The following ARAP2 variants were observed in gnomAD, a reference collection of about 807,000 sequenced individuals.
ARAP2 encodes the protein arf-GAP with Rho-GAP domain, ANK repeat and PH domain-containing protein 2.
In ARAP2, 148 loss-of-function variants were observed where a neutral mutation model predicts 194.5. That is an observed-to-expected ratio of 0.76 (90% CI 0.67 to 0.87). The LOEUF (loss-of-function observed/expected upper bound fraction) is 0.87, where lower values mean the gene tolerates loss of function less well. ARAP2 is among the 40% of genes least tolerant of loss of function. ARAP2 has a pLI of 0.00. For synonymous variants in ARAP2, 695 were observed against 683.5 expected (o/e 1.02, Z -0.26); for missense variants, 2,128 against 1,989.7 (o/e 1.07, Z -1.32).
At chr4:36,204,773 G>T (rs1035538336) in intron 6 of ARAP2, among the ~76,000 whole-genome samples, 1 of 151,940 alleles carries the variant, frequency 6.6e-6, no homozygotes, top group African/African-American at 2.4e-5. Flanking sequence ...GGTAGATCAC[G>T]AGGTCAGGAG....
chr4:36,192,168 G>GTTTT (rs569144058), intron 7 of ARAP2, among the ~76,000 whole-genome samples: 3 of 100,684 alleles, frequency 3.0e-5, no homozygotes, highest in East Asian at 3.2e-4. Context: ...CAGTGTTTCT[G>GTTTT]TTTTTTTTTT....
intron 5 of ARAP2, among the ~76,000 whole-genome samples, chr4:36,042,210 T>C (rs962105602): frequency 3.3e-5 from 5 of 152,160 alleles, no homozygotes; most frequent in African/African-American, 7.2e-5. Flanking sequence ...AATAGGTGGC[T>C]TATATTTTTT....
intron 28 of ARAP2, among the ~76,000 whole-genome samples, chr4:36,090,111 A>T (rs913576669): frequency 5.3e-5 from 8 of 152,134 alleles, no homozygotes; most frequent in Non-Finnish European, 1.2e-4. Context: ...AACAAGTATC[A>T]AAGAATATTA....
rs1454636334 is a variant in ARAP2, at chr4:36,228,505, C to A, written c.905+77G>T. ...ATACAGTCAAATTTAGATAGGAACA[C>A]TGAAAATATAACTGTTAAAAAAAAT... On this transcript the variant is annotated intron_variant, in intron 2 of 32. Coordinates refer to ENST00000303965, the MANE Select transcript of ARAP2 (RefSeq NM_015230.4). The A allele has an allele frequency of 2.2e-5, 31 of 1,415,732 alleles. No individual in the cohort carries two copies. In the Admixed American group the frequency reaches 3.0e-4, roughly 14 times the overall value. The allele number at this position is 1,415,732 out of a possible 1,614,324, so 87.7% of individuals were successfully genotyped here.
At chr4:36,096,011 T>A (rs1170973171) in intron 27 of ARAP2, among the ~76,000 whole-genome samples, 2 of 152,174 alleles carry the variant, frequency 1.3e-5, no homozygotes, top group South Asian at 2.1e-4. Context: ...ATTAAGGTGA[T>A]AGAACTTTAA....
chr4:36,168,921 A>C (rs1735929192), intron 9 of ARAP2, among the ~76,000 whole-genome samples: 1 of 152,220 alleles, frequency 6.6e-6, no homozygotes, highest in Non-Finnish European at 1.5e-5. Context: ...GCCGCATTTT[A>C]ATAAGTTTCA....
chr4:36,214,862 T>G (rs1376718910), intron 2 of ARAP2, among the ~76,000 whole-genome samples: 1 of 152,208 alleles, frequency 6.6e-6, no homozygotes, highest in Non-Finnish European at 1.5e-5. Context: ...TGAAACAGAT[T>G]TACTAACTAG....
intron 6 of ARAP2, among the ~76,000 whole-genome samples, chr4:36,202,770 C>A (rs1286944270): frequency 6.6e-6 from 1 of 152,100 alleles, no homozygotes; most frequent in African/African-American, 2.4e-5. Flanking sequence ...CCAAACCTCA[C>A]TAAAAGACAT....
At chr4:36,041,299 C>G (rs1296258034) in intron 5 of ARAP2, among the ~76,000 whole-genome samples, 1 of 151,936 alleles carries the variant, frequency 6.6e-6, no homozygotes, top group Non-Finnish European at 1.5e-5. Context: ...AGTCTAATAC[C>G]CAGCATCAAT....
intron 15 of ARAP2, among the ~76,000 whole-genome samples, chr4:36,156,506 GAGGGAGGA>G (rs1732571484): frequency 8.2e-6 from 1 of 121,718 alleles, no homozygotes; most frequent in African/African-American, 3.4e-5. Flanking sequence ...AGGAAGGAAG[GAGGGAGGA>G]AGGAAGGAAG....
At chr4:36,044,948 A>T (rs1395325831) in intron 5 of ARAP2, among the ~76,000 whole-genome samples, 1 of 152,174 alleles carries the variant, frequency 6.6e-6, no homozygotes, top group African/African-American at 2.4e-5. Flanking sequence ...ATTAAAAAAA[A>T]GTGCTCAACA....
At chr4:36,216,248 C>T (rs6531422) in intron 2 of ARAP2, among the ~76,000 whole-genome samples, 55,457 of 151,804 alleles carry the variant, frequency 0.37, 10,863 homozygotes, top group African/African-American at 0.49. Context: ...AGAACAAGAC[C>T]CTGTCTCAAA....
rs1315685036 is a variant in ARAP2 at position 36,068,078 on chromosome 4, T to C, written c.4944A>G (p.Pro1648=). 2 of 1,614,158 alleles carry C rather than the reference T, an allele frequency of 1.2e-6. No individual in the cohort carries two copies. Residue 1648 remains proline, a synonymous_variant, in exon 33 of 33, where the codon CCA becomes CCG. Transcript: ENST00000303965. ...ATGTCTTTAGGCCTTTATGGCCTTT[T>C]GGTTGCCCAAGTGGGGCTTCAGGCT... ...DTEPEAPLGQ[P]KGHKGLKTLR... is the part of the protein sequence containing the mutation.
chr4:36,055,934 T>C (rs192440852), intron 2 of ARAP2, among the ~76,000 whole-genome samples: 159 of 152,282 alleles, frequency 1.0e-3, no homozygotes, highest in African/African-American at 3.7e-3. Context: ...TATTTAGTAA[T>C]AATAATACAT....
At chr4:36,048,698 G>T (rs760647688) in intron 3 of ARAP2, among the ~76,000 whole-genome samples, 2 of 152,064 alleles carry the variant, frequency 1.3e-5, no homozygotes, top group Non-Finnish European at 2.9e-5. Context: ...TTGGTAGAAT[G>T]ATTTATATTT....
Position 36,187,512 on chromosome 4 carries a change from T to G in ARAP2, c.1617A>C (p.Gly539=). The change falls in exon 8 of 33, where the codon GGA becomes GGC. Residue 539 remains glycine (G), a synonymous_variant. Coordinates refer to ENST00000303965, the MANE Select transcript of ARAP2 (RefSeq NM_015230.4). ...LSAISTVRVQ[G]DNKFEVVTTQ... ...TTGTAACAACTTCAAATTTGTTGTC[T>G]CCTTGAACTCGTACTGTTGATATAG... The G allele has an allele frequency of 1.3e-6, 2 of 1,554,856 alleles. No individual in the cohort carries two copies. Among genetic ancestry groups the G allele is most frequent in the Non-Finnish European group, 1.7e-6 (2 of 1,147,242 alleles).
In ARAP2 at chr4:36,092,002, C is replaced by T. The variant is rs1294559627; in HGVS notation, c.4304G>A (p.Ser1435Asn). 2 of 1,602,018 alleles carry T rather than the reference C, an allele frequency of 1.2e-6. No homozygotes were observed. Among genetic ancestry groups the T allele is most frequent in the South Asian group, 2.2e-5 (2 of 89,976 alleles). The change falls in exon 28 of 33, where the codon AGC (serine) becomes AAC (asparagine). Residue 1435 changes from serine to asparagine, a missense_variant. Transcript: ENST00000303965. Reference protein sequence around the residue: ...KHCSDRSTLGSIKEGILKIKE... With the variant: ...KHCSDRSTLGNIKEGILKIKE... ...GATTTTCAAGATTCCTTCTTTGATG[C>T]TTCCCAGTGTACTCCGGTCTGTAAA...
At chr4:36,216,594 A>G (rs549253834) in intron 2 of ARAP2, among the ~76,000 whole-genome samples, 2 of 152,354 alleles carry the variant, frequency 1.3e-5, no homozygotes, top group African/African-American at 2.4e-5. Flanking sequence ...ATGTTCACAG[A>G]AAGACCTGTA....
At chr4:36,159,194 G>T in intron 14 of ARAP2, 137 bp downstream of exon 14, 2 of 876,426 alleles carry the variant, frequency 2.3e-6, no homozygotes, top group Non-Finnish European at 3.2e-6. Flanking sequence ...ATAGTCTTAG[G>T]CATCTCCATC....
Sources: allele counts gnomAD v4.1 joint callset (sites outside exome capture counted in the v4.1 genomes callset), GRCh38; gene constraint gnomAD v4.1.1; transcripts MANE v1.5; gene names NCBI Gene and HGNC (gene_info 2026-07-23, HGNC 2026-07-21).